Variants in CUX2 observed in about 807,000 individuals in gnomAD.
CUX2 encodes the protein homeobox protein cut-like 2.
A neutral mutation model predicts 144.8 loss-of-function variants in CUX2; 40 were observed. The observed-to-expected ratio is 0.28, with a 90% CI of 0.21 to 0.36. CUX2 has a LOEUF of 0.36. Ranked by LOEUF, CUX2 falls within the 10% of genes least tolerant of loss-of-function variation. The pLI is 1.00. For missense variants in CUX2, 1,615 were observed against 1,994.0 expected (o/e 0.81, Z 3.62); for synonymous variants, 827 against 875.6 (o/e 0.94, Z 0.98).
chr12:111,112,565 G>A (rs908091604), intron 1 of CUX2, among the ~76,000 whole-genome samples: 4 of 152,056 alleles, frequency 2.6e-5, no homozygotes, highest in African/African-American at 7.2e-5. Context: ...TGACACAGGG[G>A]GACGTGGGGG....
At chr12:111,157,004 A>AAAAAC (rs1877429893) in intron 1 of CUX2, among the ~76,000 whole-genome samples, 2 of 150,866 alleles carry the variant, frequency 1.3e-5, no homozygotes, top group Non-Finnish European at 3.0e-5. Context: ...AAAAAAAAAA[A>AAAAAC]AAAAACAGAA....
At chr12:111,308,204 G>A in intron 12 of CUX2, 81 bp from the exon 13 acceptor site, 1 of 1,501,122 alleles carries the variant, frequency 6.7e-7, no homozygotes, top group African/African-American at 1.4e-5. Context: ...AGGGAGGTAA[G>A]CCGGGTCAGT....
chr12:111,306,971 G>T lies in CUX2; in HGVS notation c.909G>T (p.Leu303=), dbSNP rs1251233811. Residue 303 remains leucine (L), a synonymous_variant, in exon 11 of 22, where the codon CTG becomes CTT. Coordinates refer to ENST00000261726, the MANE Select transcript of CUX2 (RefSeq NM_015267.4). The part of the protein sequence containing the change: ...LCSGPRLEAA[L]ASKDREILRL... ...CGGGCCCTCGGCTGGAGGCCGCGCTGGCCTCCAAGGACAGGGAGATCCTGC... is the reference window on the plus strand; with the variant it reads ...CGGGCCCTCGGCTGGAGGCCGCGCTTGCCTCCAAGGACAGGGAGATCCTGC... 1 of 1,613,504 alleles carries T rather than the reference G, an allele frequency of 6.2e-7. No homozygotes were observed. Among genetic ancestry groups the T allele is most frequent in the South Asian group, 1.1e-5 (1 of 91,058 alleles).
At chr12:111,153,905 T>C (rs1464435912) in intron 1 of CUX2, among the ~76,000 whole-genome samples, 1 of 152,106 alleles carries the variant, frequency 6.6e-6, no homozygotes, top group Non-Finnish European at 1.5e-5. Flanking sequence ...GCAGCGGCGG[T>C]TTCTTCTAAA....
intron 1 of CUX2, among the ~76,000 whole-genome samples, chr12:111,113,817 A>C (rs555116811): frequency 3.9e-5 from 6 of 152,198 alleles, no homozygotes; most frequent in Non-Finnish European, 4.4e-5. Context: ...TCAGCTTCCC[A>C]AAGTGCAGGG....
At chr12:111,308,175 G>T in intron 12 of CUX2, 110 bp from the exon 13 acceptor site, 8 of 1,177,620 alleles carry the variant, frequency 6.8e-6, no homozygotes, top group Non-Finnish European at 1.0e-5. Context: ...GGGTTCTGGG[G>T]AATGGAGCAG....
At chr12:111,251,623 A>G (rs1157633026) in intron 3 of CUX2, among the ~76,000 whole-genome samples, 1 of 152,132 alleles carries the variant, frequency 6.6e-6, no homozygotes, top group Non-Finnish European at 1.5e-5. Context: ...ATTATGTTGG[A>G]TCAAAAGTGT....
intron 1 of CUX2, among the ~76,000 whole-genome samples, chr12:111,087,521 C>T (rs994900182): frequency 2.1e-4 from 32 of 152,124 alleles, no homozygotes; most frequent in Non-Finnish European, 3.8e-4. Context: ...AGAAAACACA[C>T]GCAAGTGCTT....
chr12:111,313,807 G>T (rs1389871141), intron 16 of CUX2, among the ~76,000 whole-genome samples: 1 of 152,136 alleles, frequency 6.6e-6, no homozygotes, highest in Non-Finnish European at 1.5e-5. Flanking sequence ...GACTCTGCTG[G>T]TGTGGCTGTC....
intron 1 of CUX2, among the ~76,000 whole-genome samples, chr12:111,134,620 C>CTCTCTCTGTGTGTGTG (rs1026548098): frequency 7.0e-6 from 1 of 142,130 alleles, no homozygotes; most frequent in African/African-American, 2.8e-5. Context: ...CTCTCTCTCT[C>CTCTCTCTGTGTGTGTG]TGTGTGTGTG....
chr12:111,267,195 C>CAAAAAAAA (rs11290695), intron 4 of CUX2, among the ~76,000 whole-genome samples: 12 of 66,270 alleles, frequency 1.8e-4, no homozygotes, highest in Non-Finnish European at 2.3e-4. Context: ...AAGACCCTGT[C>CAAAAAAAA]AAAAAAAAAA....
chr12:111,311,771 T>G (rs1886920141), intron 15 of CUX2, among the ~76,000 whole-genome samples: 1 of 151,836 alleles, frequency 6.6e-6, no homozygotes, highest in Non-Finnish European at 1.5e-5. Flanking sequence ...GCTAATTTTG[T>G]ATTTTTAGTA....
intron 3 of CUX2, among the ~76,000 whole-genome samples, chr12:111,243,220 C>T (rs967261862): frequency 6.6e-6 from 1 of 152,158 alleles, no homozygotes; most frequent in Non-Finnish European, 1.5e-5. Flanking sequence ...AACAACTATT[C>T]CTGCATAGCC....
chr12:111,055,262 A>G (rs919119179), intron 1 of CUX2, among the ~76,000 whole-genome samples: 1 of 152,216 alleles, frequency 6.6e-6, no homozygotes, highest in Non-Finnish European at 1.5e-5. Flanking sequence ...TACTGGGACA[A>G]GCATCAGGGA....
intron 3 of CUX2, among the ~76,000 whole-genome samples, chr12:111,218,670 G>A (rs1881684695): frequency 1.3e-5 from 2 of 151,962 alleles, no homozygotes; most frequent in Non-Finnish European, 2.9e-5. Flanking sequence ...ATTCTCTGAG[G>A]CAGCCTTGCA....
chr12:111,050,743 C>T (rs1326575698), intron 1 of CUX2, among the ~76,000 whole-genome samples: 1 of 152,232 alleles, frequency 6.6e-6, no homozygotes, highest in East Asian at 1.9e-4. Context: ...GGACTTTGGT[C>T]TCCTAATTTC....
At chr12:111,119,356 C>T (rs1166317225) in intron 1 of CUX2, among the ~76,000 whole-genome samples, 1 of 152,050 alleles carries the variant, frequency 6.6e-6, no homozygotes, top group Non-Finnish European at 1.5e-5. Flanking sequence ...GTAATCCCAA[C>T]ACTTTGGTAG....
intron 4 of CUX2, among the ~76,000 whole-genome samples, chr12:111,265,889 C>T (rs1295923418): frequency 6.6e-6 from 1 of 151,984 alleles, no homozygotes; most frequent in Non-Finnish European, 1.5e-5. Flanking sequence ...AATGACATCC[C>T]ACCCTCAGCT....
chr12:111,214,835 G>A (rs550605526), intron 2 of CUX2, among the ~76,000 whole-genome samples: 14 of 152,160 alleles, frequency 9.2e-5, no homozygotes, highest in African/African-American at 3.4e-4. Flanking sequence ...CAGGGAGCTT[G>A]GTGGGGGACA....
Sources: allele counts gnomAD v4.1 joint callset (sites outside exome capture counted in the v4.1 genomes callset), GRCh38; gene constraint gnomAD v4.1.1; transcripts MANE v1.5; gene names NCBI Gene and HGNC (gene_info 2026-07-23, HGNC 2026-07-21).